The following TRABD2A variants were observed in gnomAD, a reference collection of about 807,000 sequenced individuals.
TRABD2A encodes metalloprotease TIKI1.
In TRABD2A, 43 loss-of-function variants were observed where a neutral mutation model predicts 45.6. The ratio of observed to expected loss-of-function variants is 0.94; its 90% CI spans 0.74 to 1.22. TRABD2A has a LOEUF of 1.22. Ranked by LOEUF, TRABD2A falls within the 50% of genes most tolerant of loss-of-function variation. TRABD2A has a pLI of 0.00. For missense variants in TRABD2A, 642 were observed against 652.4 expected (o/e 0.98, Z 0.17); for synonymous variants, 269 against 265.0 (o/e 1.02, Z -0.15).
rs747206014 is a variant in TRABD2A, at chr2:84,839,148, C to T, written c.991+1G>A. 4.3e-6 allele frequency: 7 copies of T among 1,613,774 alleles called. No individual in the cohort carries two copies. The Admixed American group carries it at 8.3e-5, about 19-fold the overall frequency. ...CTAATCAGAGGTGACCCACTACTCA[C>T]CAGCTCCAAAGGCAAAGAAGAAGCC... On this transcript the variant is annotated splice_donor_variant, in intron 4 of 6. Coordinates refer to ENST00000409520, the MANE Select transcript of TRABD2A (RefSeq NM_001277053.2). LOFTEE classifies it high-confidence loss of function.
rs748338540 is a variant in TRABD2A, at chr2:84,880,932, T to G, written c.108A>C (p.Gln36His). Residue 36 changes from glutamine (Q) to histidine (H), a missense_variant and splice_region_variant, in exon 1 of 7, where the codon CAA becomes CAC. By Grantham distance (24) the Gln-to-His change is conservative. Transcript: ENST00000409520. ...CTCCAGCACCCGACGCGCGCCTTAC[T>G]TGGGGCTTGAGCTCGCAGTTGGCGG... Reference protein sequence around the residue: ...PGTANCELKPQQSELNSFLWT... With the variant: ...PGTANCELKPHQSELNSFLWT... 3.0e-5 allele frequency: 47 copies of G among 1,591,834 alleles called. 1 individual carries two copies. The South Asian group carries it at 5.1e-4, about 17-fold the overall frequency.
intron 2 of TRABD2A, among the ~76,000 whole-genome samples, chr2:84,869,904 A>G (rs1185879948): frequency 6.6e-6 from 1 of 150,602 alleles, no homozygotes; most frequent in African/African-American, 2.5e-5. Context: ...GCTTGAACCC[A>G]GAGGGCAGAG....
At chr2:84,844,645 C>T (rs1426301356) in intron 2 of TRABD2A, among the ~76,000 whole-genome samples, 1 of 152,206 alleles carries the variant, frequency 6.6e-6, no homozygotes, top group Admixed American at 6.5e-5. Context: ...CAATTAGGGC[C>T]TACCCACAAC....
chr2:84,861,088 T>C (rs905444767), intron 2 of TRABD2A, among the ~76,000 whole-genome samples: 1 of 152,078 alleles, frequency 6.6e-6, no homozygotes, highest in Non-Finnish European at 1.5e-5. Context: ...TGGCGATCGA[T>C]TTACAGGGCC....
At chr2:84,842,956 C>T (rs1388172248) in intron 2 of TRABD2A, among the ~76,000 whole-genome samples, 2 of 151,550 alleles carry the variant, frequency 1.3e-5, no homozygotes, top group Non-Finnish European at 2.9e-5. Context: ...ATCTCTCCAG[C>T]TCTGACCCAG....
At chr2:84,822,275 C>G (rs1681024187) in intron 6 of TRABD2A, among the ~76,000 whole-genome samples, 175 bp from the exon 7 acceptor site, 1 of 152,236 alleles carries the variant, frequency 6.6e-6, no homozygotes, top group African/African-American at 2.4e-5. Context: ...TCTTTGGCCA[C>G]TGCTACCAGA....
chr2:84,870,908 T>A, intron 1 of TRABD2A, 123 bp from the exon 2 acceptor site: 1 of 1,010,430 alleles, frequency 9.9e-7, no homozygotes. Context: ...TTTAGACTTT[T>A]GAGTCCGTGT....
intron 2 of TRABD2A, among the ~76,000 whole-genome samples, chr2:84,852,845 G>A (rs1488403607): frequency 6.6e-6 from 1 of 152,176 alleles, no homozygotes; most frequent in East Asian, 1.9e-4. Context: ...TAAGGAAAAA[G>A]AAGAATAGAT....
At chr2:84,871,702 G>C (rs559907548) in intron 1 of TRABD2A, among the ~76,000 whole-genome samples, 29 of 152,214 alleles carry the variant, frequency 1.9e-4, no homozygotes, top group Non-Finnish European at 3.5e-4. Context: ...GGCCAGGCTG[G>C]TCTCAAACTC....
intron 4 of TRABD2A, chr2:84,835,011 T>C (rs1229341078): frequency 1.3e-5 from 2 of 152,242 alleles, no homozygotes; most frequent in African/African-American, 4.8e-5. Context: ...AGTAGCAATG[T>C]ATGAGGGTGC....
At chr2:84,858,455 T>A (rs1197325265) in intron 2 of TRABD2A, among the ~76,000 whole-genome samples, 1 of 152,236 alleles carries the variant, frequency 6.6e-6, no homozygotes, top group Non-Finnish European at 1.5e-5. Context: ...AATTCCAGTA[T>A]GTTCATTAAT....
intron 2 of TRABD2A, among the ~76,000 whole-genome samples, chr2:84,869,573 A>G (rs1009031965): frequency 6.6e-6 from 1 of 152,226 alleles, no homozygotes; most frequent in Admixed American, 6.5e-5. Flanking sequence ...AGCAATGGCC[A>G]GTATATTTTC....
chr2:84,863,760 C>T (rs957380706), intron 2 of TRABD2A, among the ~76,000 whole-genome samples: 4 of 150,804 alleles, frequency 2.7e-5, no homozygotes, highest in African/African-American at 7.3e-5. Context: ...AACAGGCGCC[C>T]GCCACCACAC....
intron 1 of TRABD2A, 75 bp from the exon 2 acceptor site, chr2:84,870,860 A>C (rs112922395): frequency 1.0e-4 from 134 of 1,326,776 alleles, no homozygotes; most frequent in Non-Finnish European, 1.3e-4. Context: ...GAGGAAATGA[A>C]TCAGTCACAT....
intron 3 of TRABD2A, among the ~76,000 whole-genome samples, chr2:84,841,241 T>A (rs1049552130): frequency 6.6e-6 from 1 of 152,224 alleles, no homozygotes; most frequent in African/African-American, 2.4e-5. Flanking sequence ...ACCACTTCCC[T>A]CCTGGAAGGA....
At chr2:84,843,834 G>T (rs1681794104) in intron 2 of TRABD2A, 2 of 152,208 alleles carry the variant, frequency 1.3e-5, no homozygotes, top group Admixed American at 1.3e-4. Flanking sequence ...AGCAACATCT[G>T]AATTTTGGAG....
intron 2 of TRABD2A, among the ~76,000 whole-genome samples, chr2:84,865,291 C>T (rs1253457327): frequency 6.6e-6 from 1 of 152,158 alleles, no homozygotes; most frequent in Non-Finnish European, 1.5e-5. Flanking sequence ...GACCATCCTC[C>T]TGGAAAGTAC....
At chr2:84,853,469 T>C (rs1217351487) in intron 2 of TRABD2A, among the ~76,000 whole-genome samples, 1 of 152,114 alleles carries the variant, frequency 6.6e-6, no homozygotes, top group African/African-American at 2.4e-5. Flanking sequence ...GAACTCACTA[T>C]CAGGAGAACA....
intron 1 of TRABD2A, among the ~76,000 whole-genome samples, chr2:84,876,048 G>T (rs1008921202): frequency 6.6e-6 from 1 of 151,978 alleles, no homozygotes. Flanking sequence ...GAAAGGATGA[G>T]GTTATCATTA....
Sources: allele counts gnomAD v4.1 joint callset (sites outside exome capture counted in the v4.1 genomes callset), GRCh38; gene constraint gnomAD v4.1.1; transcripts MANE v1.5; gene names NCBI Gene and HGNC (gene_info 2026-07-23, HGNC 2026-07-21).